Variants in CFAP92 observed in about 807,000 individuals in gnomAD.
CFAP92 encodes cilia and flagella associated protein 92 (putative).
A neutral mutation model predicts 106.3 loss-of-function variants in CFAP92; 86 were observed. The ratio of observed to expected loss-of-function variants is 0.81; its 90% CI spans 0.68 to 0.97. The LOEUF is 0.97. CFAP92 is among the 50% of genes least tolerant of loss of function. The probability of loss-of-function intolerance (pLI) is 0.00; values close to 1 mark genes in which losing one functional copy is unlikely to be tolerated. For synonymous variants in CFAP92, 477 were observed against 506.4 expected, an observed-to-expected ratio of 0.94 and a Z score of 0.78; for missense variants, 1,204 against 1,283.8, an observed-to-expected ratio of 0.94 and a Z score of 0.95.
chr3:128,981,801 C>T (rs1458392692), intron 4 of CFAP92, among the ~76,000 whole-genome samples: 1 of 152,216 alleles, frequency 6.6e-6, no homozygotes, highest in Non-Finnish European at 1.5e-5. Flanking sequence ...CCTCTTTGTA[C>T]ACCTCCATCA....
At chr3:128,924,648 T>C (rs1937538667) in intron 12 of CFAP92, among the ~76,000 whole-genome samples, 1 of 151,524 alleles carries the variant, frequency 6.6e-6, no homozygotes, top group Non-Finnish European at 1.5e-5. Flanking sequence ...GGTTTCTCCA[T>C]GTTGGTCAGG....
At chr3:128,999,404 T>G (rs747783995) in intron 1 of CFAP92, among the ~76,000 whole-genome samples, 5 of 151,922 alleles carry the variant, frequency 3.3e-5, no homozygotes, top group Non-Finnish European at 5.9e-5. Context: ...TTTTCAATAT[T>G]GACTGGCCCA....
At chr3:128,952,793 G>C (rs1262605100) in intron 9 of CFAP92, among the ~76,000 whole-genome samples, 1 of 152,022 alleles carries the variant, frequency 6.6e-6, no homozygotes, top group Non-Finnish European at 1.5e-5. Flanking sequence ...CTCTTAAAAA[G>C]AAAGTAAATA....
intron 10 of CFAP92, among the ~76,000 whole-genome samples, chr3:128,935,894 T>G (rs554028779): frequency 1.3e-5 from 2 of 152,212 alleles, no homozygotes; most frequent in Admixed American, 1.3e-4. Context: ...GTATAAAAAA[T>G]TAACTAAAAG....
intron 7 of CFAP92, among the ~76,000 whole-genome samples, chr3:128,973,321 G>A (rs987593058): frequency 1.3e-5 from 2 of 152,156 alleles, no homozygotes; most frequent in Admixed American, 6.5e-5. Context: ...CGTGCAGACC[G>A]GGGAGAACAG....
intron 12 of CFAP92, among the ~76,000 whole-genome samples, chr3:128,925,977 TACTCACA>T (rs1288546576): frequency 1.3e-5 from 2 of 152,278 alleles, no homozygotes; most frequent in African/African-American, 4.8e-5. Flanking sequence ...AATTAACTGA[TACTCACA>T]AACACTTCTC....
the CFAP92 span, among the ~76,000 whole-genome samples, chr3:129,015,921 T>G: frequency 6.6e-6 from 1 of 152,092 alleles, no homozygotes; most frequent in South Asian, 2.1e-4. Context: ...CCTCCCAGAG[T>G]AGGTGCTGCA....
chr3:128,932,712 G>A lies in CFAP92; in HGVS notation c.2739C>T (p.His913=). 2 of 1,532,598 alleles carry A rather than the reference G, an allele frequency of 1.3e-6. No individual in the cohort carries two copies. Among genetic ancestry groups the A allele is most frequent in the South Asian group, 1.2e-5 (1 of 83,882 alleles). 94.9% of individuals were successfully genotyped at this position (1,532,598 alleles called of 1,614,324 possible). A position where few individuals can be genotyped will look rare whatever the true frequency, so the allele number is the denominator to read the frequency against. The part of the protein sequence containing the change: ...AMLMKNKDKK[H]SFIQKNITEA... ...GAAGGCGGCCCACCTGGATGAAACTGTGCTTTTTGTCTTTGTTCTTCATAA... is the reference window on the plus strand; with the variant it reads ...GAAGGCGGCCCACCTGGATGAAACTATGCTTTTTGTCTTTGTTCTTCATAA... The change falls in exon 12 of 16, where the codon CAC becomes CAT. Residue 913 remains histidine, a synonymous_variant. Coordinates refer to ENST00000645291, the MANE Select transcript of CFAP92 (RefSeq NM_001394090.1).
intron 1 of CFAP92, 107 bp from the exon 2 acceptor site, chr3:128,993,443 C>T: frequency 8.4e-7 from 1 of 1,195,684 alleles, no homozygotes; most frequent in Non-Finnish European, 1.2e-6. Flanking sequence ...CCTGCTTCCC[C>T]CGCCTGCTCC....
chr3:128,967,003 C>T (rs1054968241), intron 8 of CFAP92: 11 of 152,050 alleles, frequency 7.2e-5, no homozygotes, highest in Admixed American at 7.2e-4. Context: ...GGTTTGAATC[C>T]CAGATCTGAC....
intron 9 of CFAP92, among the ~76,000 whole-genome samples, chr3:128,947,924 G>T (rs1029821896): frequency 1.3e-5 from 2 of 152,004 alleles, no homozygotes; most frequent in Non-Finnish European, 2.9e-5. Context: ...AAATCCTTCT[G>T]ACCAGGGGTT....
intron 9 of CFAP92, among the ~76,000 whole-genome samples, chr3:128,965,022 G>C (rs1942265586): frequency 6.6e-6 from 1 of 152,230 alleles, no homozygotes; most frequent in African/African-American, 2.4e-5. Flanking sequence ...TATACATCCA[G>C]ATGGCCTGAA....
At chr3:128,930,061 G>A (rs1027804692) in intron 12 of CFAP92, among the ~76,000 whole-genome samples, 1 of 152,052 alleles carries the variant, frequency 6.6e-6, no homozygotes, top group African/African-American at 2.4e-5. Flanking sequence ...TTAAAAAGCT[G>A]GAACAATATT....
At chr3:129,009,543 A>C in the CFAP92 span, among the ~76,000 whole-genome samples, 2 of 152,190 alleles carry the variant, frequency 1.3e-5, no homozygotes, top group Non-Finnish European at 2.9e-5. Context: ...AGGGGCCAGG[A>C]CAATTTGATG....
At chr3:128,918,381 G>A (rs1220095376) in intron 12 of CFAP92, among the ~76,000 whole-genome samples, 1 of 152,194 alleles carries the variant, frequency 6.6e-6, no homozygotes, top group African/African-American at 2.4e-5. Flanking sequence ...GCTGAGGCAG[G>A]AGAATCGCTT....
chr3:129,024,992 C>T, the CFAP92 span, among the ~76,000 whole-genome samples: 11 of 152,180 alleles, frequency 7.2e-5, no homozygotes, highest in African/African-American at 2.4e-4. Flanking sequence ...TGGGTGATGG[C>T]ACACTTCACT....
At chr3:128,939,329 G>C (rs1939389004) in intron 10 of CFAP92, among the ~76,000 whole-genome samples, 1 of 152,014 alleles carries the variant, frequency 6.6e-6, no homozygotes, top group Non-Finnish European at 1.5e-5. Context: ...AGTAGAGACG[G>C]GTTTTCACCA....
At position 128,945,754 on chromosome 3, in the gene CFAP92, G is replaced by C; in HGVS notation, c.1575C>G (p.Pro525=). The C allele has an allele frequency of 3.3e-6, 5 of 1,535,286 alleles. No homozygotes were observed. The highest frequency in any genetic ancestry group is 4.4e-6 in the Non-Finnish European group (5 of 1,146,506). The change falls in exon 10 of 16, where the codon CCC becomes CCG. Residue 525 remains proline, a synonymous_variant. Coordinates refer to ENST00000645291, the MANE Select transcript of CFAP92 (RefSeq NM_001394090.1). The part of the protein sequence containing the change: ...DRKSEECSQK[P]VLFGEDPLDS... ...CCAGAGGGTCCTCCCCAAACAGCAC[G>C]GGCTTCTGAGAACACTCCTCTGACT...
chr3:129,024,096 G>A, the CFAP92 span, among the ~76,000 whole-genome samples: 6 of 152,186 alleles, frequency 3.9e-5, no homozygotes, highest in Non-Finnish European at 5.9e-5. Flanking sequence ...TGTGCTAACT[G>A]TCCTCAAGGA....
Sources: allele counts gnomAD v4.1 joint callset (sites outside exome capture counted in the v4.1 genomes callset), GRCh38; gene constraint gnomAD v4.1.1; transcripts MANE v1.5; gene names NCBI Gene and HGNC (gene_info 2026-07-23, HGNC 2026-07-21).